Variants in BRAF observed in about 807,000 individuals in gnomAD.
BRAF encodes serine/threonine-protein kinase B-raf.
In BRAF, 16 loss-of-function variants were observed where a neutral mutation model predicts 104.6. That is an observed-to-expected ratio of 0.15 (90% confidence interval 0.10 to 0.23). The LOEUF (loss-of-function observed/expected upper bound fraction) is 0.23, where lower values mean the gene tolerates loss of function less well. BRAF is among the 10% of genes least tolerant of loss of function. The pLI, the probability that BRAF is intolerant of heterozygous loss-of-function variation, is 1.00. For missense variants in BRAF, 541 were observed against 937.3 expected (o/e 0.58, Z 5.52); for synonymous variants, 310 against 341.6 (o/e 0.91, Z 1.02).
At chr7:140,833,098 G>A (rs550734761) in intron 3 of BRAF, among the ~76,000 whole-genome samples, 1 of 151,908 alleles carries the variant, frequency 6.6e-6, no homozygotes, top group Non-Finnish European at 1.5e-5. Flanking sequence ...GGACTGTCTC[G>A]ATCTCCTGAC....
intron 18 of BRAF, 50 bp from the exon 18 acceptor site, chr7:140,734,820 A>AAAAAAAAAAAAG (rs1554388166): frequency 1.5e-6 from 2 of 1,374,402 alleles, no homozygotes; most frequent in African/African-American, 2.0e-5. Flanking sequence ...AAAAGAAAAA[A>AAAAAAAAAAAAG]AAAGAAAGAA....
At chr7:140,733,900 A>T in intron 19 of BRAF, 1 of 741,534 alleles carries the variant, frequency 1.3e-6, no homozygotes, top group Non-Finnish European at 1.7e-6. Flanking sequence ...AAAGCTATTT[A>T]AAAGAAACTC....
chr7:140,739,955 A>AG lies in BRAF; in HGVS notation c.2113-10dup, dbSNP rs776058053. 8.9e-5 allele frequency: 143 copies of AG among 1,612,624 alleles called. 2 individuals carry two copies. The highest frequency in any genetic ancestry group is 3.3e-4 in the South Asian group (30 of 91,026). On this transcript the variant is annotated splice_polypyrimidine_tract_variant and intron_variant, in intron 17 of 19. Coordinates refer to ENST00000644969, the MANE Select transcript of BRAF (RefSeq NM_001374258.1). The stretch of plus-strand genomic sequence containing the variant: ...CCCACCATAAAAATTATCTGGAGAG[A>AG]GAAAAAAAAGGGAAATAATTCAACC...
At chr7:140,883,535 T>C (rs1200562499) in intron 1 of BRAF, among the ~76,000 whole-genome samples, 2 of 152,210 alleles carry the variant, frequency 1.3e-5, no homozygotes, top group Non-Finnish European at 2.9e-5. Context: ...CCCTAAATCA[T>C]CTACATTGTA....
At chr7:140,800,203 A>G in intron 7 of BRAF, 159 bp downstream of exon 7, 1 of 1,152,700 alleles carries the variant, frequency 8.7e-7, no homozygotes, top group Non-Finnish European at 1.3e-6. Flanking sequence ...ATTTATTTGT[A>G]TCAAATGCAT....
intron 1 of BRAF, among the ~76,000 whole-genome samples, chr7:140,920,570 T>C (rs1818107462): frequency 6.6e-6 from 1 of 152,242 alleles, no homozygotes; most frequent in Non-Finnish European, 1.5e-5. Context: ...TTCTGGCCTA[T>C]TATCCAAATA....
At chr7:140,862,364 C>T (rs117824393) in intron 1 of BRAF, among the ~76,000 whole-genome samples, 1 of 151,796 alleles carries the variant, frequency 6.6e-6, no homozygotes. Context: ...ATGGGTGATA[C>T]AAGTAAAAAG....
At chr7:140,811,824 C>G (rs140457814) in intron 3 of BRAF, among the ~76,000 whole-genome samples, 2 of 152,234 alleles carry the variant, frequency 1.3e-5, no homozygotes, top group East Asian at 3.9e-4. Flanking sequence ...TGTACTTCCC[C>G]TAGGAGCAAG....
chr7:140,861,851 A>G (rs1290705668), intron 1 of BRAF, among the ~76,000 whole-genome samples: 1 of 152,226 alleles, frequency 6.6e-6, no homozygotes, highest in Non-Finnish European at 1.5e-5. Flanking sequence ...TGAAGTAGAA[A>G]GGAAAAGTGG....
In BRAF at chr7:140,914,110, T is replaced by C. The variant is rs145149064; in HGVS notation, c.138+10456A>G. Among the ~76,000 whole-genome samples, 499 of 152,316 alleles carry C rather than the reference T, an allele frequency of 3.3e-3. 3 individuals carry two copies. The highest frequency in any genetic ancestry group is 0.011 in the African/African-American group (477 of 41,568). On this transcript the variant is annotated intron_variant, in intron 1 of 19. Coordinates refer to ENST00000644969, the MANE Select transcript of BRAF (RefSeq NM_001374258.1). The stretch of plus-strand genomic sequence containing the variant: ...AGAACAAAGATTTCTGAAAGGAAAT[T>C]TTTACATACATAGTATTTATCTTTT...
intron 3 of BRAF, among the ~76,000 whole-genome samples, chr7:140,824,966 GT>G (rs1805859250): frequency 6.8e-6 from 1 of 146,664 alleles, no homozygotes; most frequent in South Asian, 2.2e-4. Flanking sequence ...TAATTGGGTT[GT>G]TTTTTCTTTT....
At chr7:140,888,934 T>G (rs1281114899) in intron 1 of BRAF, among the ~76,000 whole-genome samples, 1 of 152,160 alleles carries the variant, frequency 6.6e-6, no homozygotes. Flanking sequence ...ATGTTTCTAC[T>G]TGGGGGTACT....
At chr7:140,740,053 G>T in intron 17 of BRAF, 107 bp from the exon 17 acceptor site, 1 of 1,231,850 alleles carries the variant, frequency 8.1e-7, no homozygotes, top group Non-Finnish European at 1.1e-6. Context: ...AGCTTACGAT[G>T]TATGTATTAC....
rs1361904999 is a variant in BRAF, at chr7:140,721,621, T to G, written c.*4873A>C. On this transcript the variant is annotated 3_prime_UTR_variant, in exon 20 of 20. Transcript: ENST00000644969. Reference sequence around the variant, plus strand: ...TCTGGCCAAGCTACAAATCATCACCTGAGGCAGAGATGCTACTACCCTCTT... The same window carrying G: ...TCTGGCCAAGCTACAAATCATCACCGGAGGCAGAGATGCTACTACCCTCTT... 1.3e-6 allele frequency: 2 copies of G among 1,535,840 alleles called. No homozygotes were observed. Among genetic ancestry groups the G allele is most frequent in the Non-Finnish European group, 1.7e-6 (2 of 1,146,676 alleles).
At chr7:140,906,277 C>T (rs1816323647) in intron 1 of BRAF, among the ~76,000 whole-genome samples, 1 of 152,042 alleles carries the variant, frequency 6.6e-6, no homozygotes, top group Non-Finnish European at 1.5e-5. Context: ...CCAAGGATCA[C>T]TGCAGCCTCA....
chr7:140,803,444 T>A (rs1803332492), intron 5 of BRAF, among the ~76,000 whole-genome samples: 2 of 152,104 alleles, frequency 1.3e-5, no homozygotes, highest in African/African-American at 4.8e-5. Flanking sequence ...ATGGTTAACT[T>A]TGGATAAAAA....
intron 10 of BRAF, among the ~76,000 whole-genome samples, chr7:140,784,515 A>G (rs1801169077): frequency 6.6e-6 from 1 of 152,240 alleles, no homozygotes; most frequent in Non-Finnish European, 1.5e-5. Context: ...TTTTCTGAGA[A>G]ACAGCAGGGC....
At chr7:140,742,710 A>C (rs993444843) in intron 17 of BRAF, among the ~76,000 whole-genome samples, 68 of 152,248 alleles carry the variant, frequency 4.5e-4, no homozygotes, top group African/African-American at 1.6e-3. Context: ...ACAAAAGCCA[A>C]AATTGACAAA....
chr7:140,798,413 C>T (rs577084813), intron 7 of BRAF, among the ~76,000 whole-genome samples: 12 of 151,302 alleles, frequency 7.9e-5, no homozygotes, highest in Admixed American at 2.6e-4. Context: ...CCCGCCACCA[C>T]GCCCGGCTAA....
Sources: gnomAD v4.1 joint callset for allele counts (sites outside exome capture counted in the v4.1 genomes callset) on GRCh38, gnomAD v4.1.1 for gene constraint, MANE v1.5 for transcripts, NCBI Gene and HGNC (gene_info 2026-07-23, HGNC 2026-07-21) for gene names.